TG: variants seen among roughly 807,000 people sequenced by gnomAD.
The protein encoded by TG is thyroid hormones.
A neutral mutation model predicts 324.7 loss-of-function variants in TG; 270 were observed. That is an observed-to-expected ratio of 0.83 (90% CI 0.75 to 0.92). The LOEUF is 0.92. Ranked by LOEUF, TG falls within the 40% of genes least tolerant of loss-of-function variation. The probability of loss-of-function intolerance (pLI) is 0.00; values close to 1 mark genes in which losing one functional copy is unlikely to be tolerated. For synonymous variants in TG, 1,401 were observed against 1,327.0 expected, an observed-to-expected ratio of 1.06 and a Z score of -1.21; for missense variants, 3,591 against 3,456.4, an observed-to-expected ratio of 1.04 and a Z score of -0.98.
chr8:132,882,614 T>A lies in TG; in HGVS notation c.889+2T>A, dbSNP rs377652873. 6.2e-7 allele frequency: 1 copy of A among 1,614,108 alleles called. No homozygotes were observed. Among genetic ancestry groups the A allele is most frequent in the African/African-American group, 1.3e-5 (1 of 74,938 alleles). ...CAGTCATCTCTGGCAGATTCCGATG[T>A]AAGTAATAAACTGCCAACAATGTGC... On this transcript the variant is annotated splice_donor_variant, in intron 7 of 47. Transcript: ENST00000220616. LOFTEE classifies it high-confidence loss of function.
intron 34 of TG, among the ~76,000 whole-genome samples, chr8:132,979,595 G>T (rs187215476): frequency 3.3e-5 from 5 of 152,280 alleles, no homozygotes; most frequent in Admixed American, 2.0e-4. Flanking sequence ...CACTAGGCTA[G>T]CATTTGGCAT....
At chr8:133,050,950 G>T in intron 41 of TG, 1 of 1,308,820 alleles carries the variant, frequency 7.6e-7, no homozygotes, top group Non-Finnish European at 1.1e-6. Context: ...AGGGGGCAAG[G>T]TGCTTTTTAT....
intron 26 of TG, among the ~76,000 whole-genome samples, chr8:132,945,892 G>A (rs1825195451): frequency 6.6e-6 from 1 of 152,160 alleles, no homozygotes; most frequent in Admixed American, 6.5e-5. Context: ...CAGTGGTTGA[G>A]GTGGCTAAAA....
intron 35 of TG, chr8:133,001,707 C>T: frequency 1.0e-6 from 1 of 976,648 alleles, no homozygotes; most frequent in Non-Finnish European, 1.2e-6. Flanking sequence ...TTCCTTCCAG[C>T]AAGTGCCCTG....
At chr8:132,899,615 A>C (rs746172074) in intron 14 of TG, among the ~76,000 whole-genome samples, 8 of 152,240 alleles carry the variant, frequency 5.3e-5, no homozygotes, top group Non-Finnish European at 8.8e-5. Context: ...ACTTAAGCAT[A>C]GTTTCATAGA....
chr8:132,932,775 G>A (rs148975676), intron 23 of TG, among the ~76,000 whole-genome samples: 32 of 152,264 alleles, frequency 2.1e-4, no homozygotes, highest in African/African-American at 7.5e-4. Context: ...TGTAGGAAGT[G>A]GGGATTCTAT....
At chr8:132,964,071 G>A (rs186549037) in intron 29 of TG, among the ~76,000 whole-genome samples, 6 of 152,054 alleles carry the variant, frequency 3.9e-5, no homozygotes, top group African/African-American at 1.4e-4. Context: ...ATCAGGCGTT[G>A]TGTTTGTGAT....
chr8:132,965,430 G>C (rs1177973977), intron 29 of TG, among the ~76,000 whole-genome samples: 1 of 152,236 alleles, frequency 6.6e-6, no homozygotes, highest in East Asian at 1.9e-4. Flanking sequence ...TACAAGGAAA[G>C]TGCAGGGCCC....
At chr8:133,065,807 A>G (rs1053990436) in intron 41 of TG, among the ~76,000 whole-genome samples, 1 of 152,066 alleles carries the variant, frequency 6.6e-6, no homozygotes, top group Non-Finnish European at 1.5e-5. Flanking sequence ...AAAAAAGTAA[A>G]ATAAAAGTCA....
intron 21 of TG, 69 bp from the exon 22 acceptor site, chr8:132,923,269 G>A: frequency 6.4e-7 from 1 of 1,564,430 alleles, no homozygotes; most frequent in Non-Finnish European, 8.8e-7. Flanking sequence ...ATGACCGAGA[G>A]CCTGGGAGTA....
chr8:132,969,596 T>A, intron 32 of TG, 27 bp downstream of exon 32: 1 of 1,381,474 alleles, frequency 7.2e-7, no homozygotes, highest in Non-Finnish European at 1.0e-6. Flanking sequence ...TCACCCCTAA[T>A]GTTTATTATG....
intron 10 of TG, among the ~76,000 whole-genome samples, chr8:132,892,921 G>A (rs536557496): frequency 1.4e-5 from 2 of 147,786 alleles, no homozygotes; most frequent in East Asian, 4.1e-4. Flanking sequence ...GGTGTGGTGT[G>A]TGTGTACTGT....
chr8:132,919,598 T>G (rs972921226), intron 21 of TG, 73 bp downstream of exon 21: 1 of 1,587,754 alleles, frequency 6.3e-7, no homozygotes, highest in Non-Finnish European at 8.6e-7. Context: ...TTTCCCAATC[T>G]CTGCACTATT....
chr8:132,867,180 CAT>C lies in TG; in HGVS notation c.67+114_67+115del, dbSNP rs377234626. 131 of 959,198 alleles carry C rather than the reference CAT, an allele frequency of 1.4e-4. 2 individuals carry two copies. In the African/African-American group the frequency reaches 1.8e-3, roughly 13 times the overall value. 59.4% of individuals were successfully genotyped at this position (959,198 alleles called of 1,614,324 possible). ...CTAATTTAATCTTCACAAATTCCCACATGTCAGTGATTTGCTTTTTTTTTTTC... is the reference window on the plus strand; with the variant it reads ...CTAATTTAATCTTCACAAATTCCCACGTCAGTGATTTGCTTTTTTTTTTTC... On this transcript the variant is annotated intron_variant, in intron 1 of 47. Coordinates refer to ENST00000220616, the MANE Select transcript of TG (RefSeq NM_003235.5).
At chr8:133,077,063 G>A (rs1319628415) in intron 41 of TG, among the ~76,000 whole-genome samples, 1 of 152,194 alleles carries the variant, frequency 6.6e-6, no homozygotes, top group Non-Finnish European at 1.5e-5. Flanking sequence ...TGCACAGGTG[G>A]CCAGTCGTGG....
intron 32 of TG, 26 bp downstream of exon 32, chr8:132,969,595 A>T: frequency 7.2e-7 from 1 of 1,384,734 alleles, no homozygotes; most frequent in East Asian, 2.3e-5. Context: ...CTCACCCCTA[A>T]TGTTTATTAT....
intron 37 of TG, among the ~76,000 whole-genome samples, chr8:133,016,677 C>G (rs1481656346): frequency 6.6e-6 from 1 of 152,216 alleles, no homozygotes; most frequent in Non-Finnish European, 1.5e-5. Flanking sequence ...AGAGACTTCT[C>G]ACACACACTT....
intron 20 of TG, among the ~76,000 whole-genome samples, chr8:132,914,921 T>A (rs74701101): frequency 0.043 from 6,593 of 152,256 alleles, 203 homozygotes; most frequent in Non-Finnish European, 0.067. Flanking sequence ...CAACGCCAGA[T>A]GCTGAACTAG....
Position 133,026,447 on chromosome 8 carries a change from A to G in TG, c.7037-3374A>G, listed in dbSNP as rs558879998. On this transcript the variant is annotated intron_variant, in intron 40 of 47. Transcript: ENST00000220616. ...TTGGAAAGGAAGCAGTTGCTGGGTG[A>G]AGGGAGGCCATTTCCCCAAGCCTGG... is the stretch of plus-strand genomic sequence containing the variant. Among the ~76,000 whole-genome samples, 3 of 152,322 alleles carry G rather than the reference A, an allele frequency of 2.0e-5. No individual in the cohort carries two copies. The South Asian group carries it at 6.2e-4, about 32-fold the overall frequency.
Sources: allele counts gnomAD v4.1 joint callset (sites outside exome capture counted in the v4.1 genomes callset), GRCh38; gene constraint gnomAD v4.1.1; transcripts MANE v1.5; gene names NCBI Gene and HGNC (gene_info 2026-07-23, HGNC 2026-07-21).